MID1: variants seen among roughly 807,000 people sequenced by gnomAD.
The protein encoded by MID1 is E3 ubiquitin-protein ligase Midline-1.
Under a neutral mutation model 40.4 loss-of-function variants are expected in MID1, and 7 were observed. That is an observed-to-expected ratio of 0.17 (90% CI 0.10 to 0.33). The LOEUF (loss-of-function observed/expected upper bound fraction) is 0.33, where lower values mean the gene tolerates loss of function less well. MID1 is among the 10% of genes least tolerant of loss of function. The pLI is 1.00. For missense variants in MID1, 367 were observed against 558.5 expected, an observed-to-expected ratio of 0.66 and a Z score of 3.46; for synonymous variants, 229 against 221.2, an observed-to-expected ratio of 1.04 and a Z score of -0.31.
Position 10,542,891 on chromosome X carries a change from T to C in MID1, c.661-19704A>G, listed in dbSNP as rs1003308188. Among the ~76,000 whole-genome samples, 8 of 112,352 alleles carry C rather than the reference T, an allele frequency of 7.1e-5. No individual in the cohort carries two copies. In the South Asian group the frequency reaches 3.0e-3, roughly 42 times the overall value. Reference sequence around the variant, plus strand: ...AAAAGAATTTCTAATGCAATTCCATTCCAGTTCATTATGTGGAAGTCTTAA... The same window carrying C: ...AAAAGAATTTCTAATGCAATTCCATCCCAGTTCATTATGTGGAAGTCTTAA... On this transcript the variant is annotated intron_variant, in intron 2 of 9. Coordinates refer to ENST00000317552, the MANE Select transcript of MID1 (RefSeq NM_000381.4).
At chrX:10,665,566 C>T (rs1312057940) in intron 1 of MID1, among the ~76,000 whole-genome samples, 15 of 103,696 alleles carry the variant, frequency 1.4e-4, no homozygotes, top group Non-Finnish European at 2.5e-4. Context: ...CTTGCTTTGT[C>T]GCCCAGGCTG....
chrX:10,735,258 A>G (rs1161605761), intron 1 of MID1, among the ~76,000 whole-genome samples: 2 of 111,393 alleles, frequency 1.8e-5, no homozygotes, highest in East Asian at 5.7e-4. Context: ...ATGCGCCACT[A>G]TGTCCAGCTA....
chrX:10,524,607 G>C (rs1932795410), intron 2 of MID1, among the ~76,000 whole-genome samples: 2 of 112,153 alleles, frequency 1.8e-5, no homozygotes, highest in Non-Finnish European at 1.9e-5. Context: ...TACTTATTAA[G>C]CTTCTACAAT....
chrX:10,826,756 G>T (rs1412190363), intron 1 of MID1, among the ~76,000 whole-genome samples: 1 of 112,216 alleles, frequency 8.9e-6, no homozygotes, highest in Non-Finnish European at 1.9e-5. Context: ...ACTCATGTCT[G>T]TGTGATATTT....
At position 10,482,640 on chromosome X, in the gene MID1, G is replaced by T; in HGVS notation, c.865-12C>A. On this transcript the variant is annotated splice_polypyrimidine_tract_variant and intron_variant, in intron 4 of 9. Coordinates refer to ENST00000317552, the MANE Select transcript of MID1 (RefSeq NM_000381.4). ...CGAAGCCTCATCACCTTGAACAAAA[G>T]AGGCATGGAGAGAGATGGTTACATG... 8.3e-7 allele frequency: 1 copy of T among 1,207,079 alleles called. No individual in the cohort carries two copies. Among genetic ancestry groups the T allele is most frequent in the Non-Finnish European group, 1.1e-6 (1 of 893,501 alleles).
chrX:10,569,109 T>G (rs1934654424), intron 1 of MID1, among the ~76,000 whole-genome samples: 1 of 112,272 alleles, frequency 8.9e-6, no homozygotes, highest in African/African-American at 3.2e-5. Flanking sequence ...TCACGGTTTC[T>G]AGAATACCCT....
chrX:10,667,954 A>G (rs185194365), intron 1 of MID1, among the ~76,000 whole-genome samples: 16 of 112,417 alleles, frequency 1.4e-4, no homozygotes, highest in African/African-American at 5.2e-4. Context: ...TAATATTGAA[A>G]TCATTAAATT....
chrX:10,670,004 G>A (rs2042978092), intron 1 of MID1, among the ~76,000 whole-genome samples: 1 of 111,775 alleles, frequency 8.9e-6, no homozygotes, highest in African/African-American at 3.3e-5. Context: ...ATGGGAGCAA[G>A]TCTTCTGGGC....
rs1049352970 is a variant in MID1 at position 10,829,092 on chromosome X, C to G, written c.-187+4462G>C. ...ATATCAGTTCGAGTAAACTTGTTAT[C>G]TGTTCTCTGGTAGTTTATATGCTGT... is the stretch of plus-strand genomic sequence containing the variant. On this transcript the variant is annotated intron_variant, in intron 1 of 10. Transcript: ENST00000380785. Among the ~76,000 whole-genome samples the G allele has an allele frequency of 3.1e-4, 35 of 112,128 alleles. 1 individual carries two copies. The highest frequency in any genetic ancestry group is 2.6e-3 in the Admixed American group (27 of 10,584).
chrX:10,807,870 G>A (rs146608627), intron 1 of MID1, among the ~76,000 whole-genome samples: 1 of 111,947 alleles, frequency 8.9e-6, no homozygotes, highest in African/African-American at 3.2e-5. Context: ...ATTTTTGGAG[G>A]CACATCCTAG....
intron 1 of MID1, among the ~76,000 whole-genome samples, chrX:10,626,337 A>ATTC (rs1267944014): frequency 9.4e-6 from 1 of 106,493 alleles, no homozygotes; most frequent in Non-Finnish European, 1.9e-5. Flanking sequence ...TATTATTATT[A>ATTC]TTATTATTAA....
intron 1 of MID1, among the ~76,000 whole-genome samples, chrX:10,764,994 C>A (rs745897268): frequency 8.9e-6 from 1 of 112,039 alleles, no homozygotes; most frequent in African/African-American, 3.2e-5. Context: ...TAGCCCTCAT[C>A]ATGTTAACAG....
intron 1 of MID1, among the ~76,000 whole-genome samples, chrX:10,741,513 A>G (rs1203983218): frequency 9.1e-6 from 1 of 109,400 alleles, no homozygotes; most frequent in Non-Finnish European, 1.9e-5. Flanking sequence ...AAAAGAAAGA[A>G]GATTTCAGTC....
intron 3 of MID1, among the ~76,000 whole-genome samples, chrX:10,512,059 T>C (rs919238781): frequency 1.8e-5 from 2 of 112,414 alleles, no homozygotes; most frequent in African/African-American, 6.5e-5. Context: ...TCTTCATCTT[T>C]ATACATGAAT....
At chrX:10,537,752 A>G (rs1933314676) in intron 2 of MID1, among the ~76,000 whole-genome samples, 1 of 112,029 alleles carries the variant, frequency 8.9e-6, no homozygotes, top group African/African-American at 3.2e-5. Context: ...TACATATTCC[A>G]TCAGCAATGG....
In MID1 at chrX:10,731,966, C is replaced by CAA. The variant is rs754605735; in HGVS notation, c.-187+101586_-187+101587dup. Among the ~76,000 whole-genome samples the CAA allele has an allele frequency of 2.2e-3, 58 of 26,636 alleles. 2 individuals are homozygous for CAA. The highest frequency in any genetic ancestry group is 3.2e-3 in the Non-Finnish European group (37 of 11,507). 23.1% of individuals were successfully genotyped at this position (26,636 alleles called of 115,157 possible). A position where few individuals can be genotyped will look rare whatever the true frequency, so the allele number is the denominator to read the frequency against. On this transcript the variant is annotated intron_variant, in intron 1 of 10. Coordinates refer to the MID1 transcript ENST00000380785. ...TGGGCGACAGAGCAAGAATCTATCA[C>CAA]AAAAAAAAAAAAAAAAAAAAAAAAA...
intron 7 of MID1, among the ~76,000 whole-genome samples, chrX:10,468,533 T>C (rs1405815353): frequency 8.9e-6 from 1 of 112,661 alleles, no homozygotes; most frequent in African/African-American, 3.2e-5. Flanking sequence ...TTCTGTTCTA[T>C]TTTGACATAT....
intron 2 of MID1, among the ~76,000 whole-genome samples, chrX:10,564,551 G>A (rs1934453499): frequency 9.0e-6 from 1 of 111,644 alleles, no homozygotes; most frequent in Non-Finnish European, 1.9e-5. Context: ...GAAATAAAAA[G>A]AAACCACATC....
rs1160805824 is a variant in MID1 at position 10,773,009 on chromosome X, A to C, written c.-187+60545T>G. Among the ~76,000 whole-genome samples, 3 of 111,521 alleles carry C rather than the reference A, an allele frequency of 2.7e-5. No individual in the cohort carries two copies. The East Asian group carries it at 8.3e-4, about 31-fold the overall frequency. On this transcript the variant is annotated intron_variant, in intron 1 of 10. Transcript: ENST00000380785. ...TGGACTTGAAGGATTAAAAAAATAA[A>C]TTGGTTAAAACTTCTAAAAATGCTG...
Sources: allele counts gnomAD v4.1 joint callset (sites outside exome capture counted in the v4.1 genomes callset), GRCh38; gene constraint gnomAD v4.1.1; transcripts MANE v1.5; gene names NCBI Gene and HGNC (gene_info 2026-07-23, HGNC 2026-07-21).